LRP6: variants seen among roughly 807,000 people sequenced by gnomAD.
LRP6 encodes LDL receptor related protein 6, also known as low-density lipoprotein receptor-related protein 6.
Under a neutral mutation model 184.1 loss-of-function variants are expected in LRP6, and 43 were observed. The ratio of observed to expected loss-of-function variants is 0.23; its 90% CI spans 0.18 to 0.30. The LOEUF (loss-of-function observed/expected upper bound fraction) is 0.30. LRP6 is among the 10% of genes least tolerant of loss of function. LRP6 has a pLI of 1.00. For synonymous variants in LRP6, 719 were observed against 684.9 expected (o/e 1.05, Z -0.78); for missense variants, 1,571 against 2,005.3 (o/e 0.78, Z 4.14).
At chr12:12,151,682 T>C (rs1309153263) in intron 12 of LRP6, among the ~76,000 whole-genome samples, 6 of 152,040 alleles carry the variant, frequency 3.9e-5, no homozygotes, top group Non-Finnish European at 8.8e-5. Context: ...AATGTAAATT[T>C]TTAATGTTTT....
rs1352038622 is a variant in LRP6 at position 12,147,464 on chromosome 12, C to T, written c.3299G>A (p.Gly1100Asp). ...GTEREVLFFS[G>D]LSKPIALALD... ...GGCTAAAGCAATTGGTTTACTTAAGCCACTGAAAAAGAGGACCTCCCGTTC... is the reference window on the plus strand; with the variant it reads ...GGCTAAAGCAATTGGTTTACTTAAGTCACTGAAAAAGAGGACCTCCCGTTC... The change falls in exon 15 of 23, where the codon GGC becomes GAC. Residue 1100 changes from glycine (G) to aspartate (D), a missense_variant. This residue lies in a region of LRP6 where 763 missense variants were observed against 859.5 expected (regional missense o/e 0.89). Coordinates refer to ENST00000261349, the MANE Select transcript of LRP6 (RefSeq NM_002336.3). 6.2e-7 allele frequency: 1 copy of T among 1,614,106 alleles called. No homozygotes were observed.
At chr12:12,164,666 T>G in intron 8 of LRP6, 104 bp from the exon 9 acceptor site, 1 of 1,064,958 alleles carries the variant, frequency 9.4e-7, no homozygotes, top group Admixed American at 2.1e-5. Flanking sequence ...CAAATGCCTA[T>G]GATTATGTCT....
intron 2 of LRP6, among the ~76,000 whole-genome samples, chr12:12,218,757 T>C (rs1864412830): frequency 6.6e-6 from 1 of 151,718 alleles, no homozygotes; most frequent in Admixed American, 6.6e-5. Flanking sequence ...TCAGCCCAGG[T>C]GTTTGAGGCT....
Position 12,233,293 on chromosome 12 carries a change from C to T in LRP6, c.449+10969G>A, listed in dbSNP as rs147136944. Reference sequence around the variant, plus strand: ...CCATCCTGGCTAATGCGCTGAAACCCCGCCTCTACTAAAAATACAAAAAAA... The same window carrying T: ...CCATCCTGGCTAATGCGCTGAAACCTCGCCTCTACTAAAAATACAAAAAAA... On this transcript the variant is annotated intron_variant, in intron 2 of 22. Coordinates refer to ENST00000261349, the MANE Select transcript of LRP6 (RefSeq NM_002336.3). 2.8e-3 allele frequency among the ~76,000 whole-genome samples: 432 copies of T among 152,134 alleles called. 2 individuals carry two copies. Among genetic ancestry groups the T allele is most frequent in the African/African-American group, 0.01 (417 of 41,480 alleles).
intron 12 of LRP6, among the ~76,000 whole-genome samples, chr12:12,156,466 G>C (rs34828734): frequency 6.6e-6 from 1 of 152,064 alleles, no homozygotes; most frequent in Non-Finnish European, 1.5e-5. Context: ...TGAAATGTGG[G>C]GTATAGGTCA....
At chr12:12,209,245 A>C (rs1409882607) in intron 2 of LRP6, among the ~76,000 whole-genome samples, 1 of 152,214 alleles carries the variant, frequency 6.6e-6, no homozygotes, top group African/African-American at 2.4e-5. Context: ...TCCTAACTGT[A>C]ACTAATCTAA....
intron 2 of LRP6, among the ~76,000 whole-genome samples, chr12:12,235,422 A>C (rs77588531): frequency 0.041 from 6,290 of 152,274 alleles, 179 homozygotes; most frequent in Middle Eastern, 0.16. Flanking sequence ...GAGAGGTACT[A>C]AACTAAATAC....
At chr12:12,259,134 C>T (rs78648987) in intron 1 of LRP6, among the ~76,000 whole-genome samples, 6,240 of 151,980 alleles carry the variant, frequency 0.041, 177 homozygotes, top group Middle Eastern at 0.16. Context: ...TGATAGTGGG[C>T]GCCTACTAAT....
chr12:12,243,752 C>T (rs1306642353), intron 2 of LRP6, among the ~76,000 whole-genome samples: 2 of 151,540 alleles, frequency 1.3e-5, no homozygotes, highest in African/African-American at 4.8e-5. Flanking sequence ...TCTGTCTCTA[C>T]AAAAAAAAAT....
At chr12:12,164,145 ACT>A in intron 9 of LRP6, 126 bp downstream of exon 9, 2 of 824,576 alleles carry the variant, frequency 2.4e-6, no homozygotes, top group Non-Finnish European at 1.9e-6. Context: ...AAAAAAAAAA[ACT>A]TGAGGGTTTT....
chr12:12,256,139 T>C (rs1019207067), intron 1 of LRP6, among the ~76,000 whole-genome samples: 1 of 152,208 alleles, frequency 6.6e-6, no homozygotes, highest in Non-Finnish European at 1.5e-5. Context: ...CCTCTTCTAT[T>C]TTCTTACTCT....
chr12:12,186,507 C>T (rs549992826), intron 4 of LRP6, among the ~76,000 whole-genome samples: 1 of 150,612 alleles, frequency 6.6e-6, no homozygotes, highest in East Asian at 2.0e-4. Flanking sequence ...GCCTCCCAAG[C>T]GGCTGGGACT....
At chr12:12,154,488 TC>T (rs1950124920) in intron 12 of LRP6, among the ~76,000 whole-genome samples, 1 of 152,240 alleles carries the variant, frequency 6.6e-6, no homozygotes, top group South Asian at 2.1e-4. Flanking sequence ...TGCTATGTTT[TC>T]CAACGGCTGA....
At chr12:12,129,104 T>C (rs1949712686) in intron 19 of LRP6, among the ~76,000 whole-genome samples, 5 of 152,226 alleles carry the variant, frequency 3.3e-5, no homozygotes, top group African/African-American at 1.2e-4. Flanking sequence ...TGGGTAAATA[T>C]TTAAGTGTTG....
At chr12:12,198,041 C>T (rs75270184) in intron 3 of LRP6, among the ~76,000 whole-genome samples, 2,637 of 152,276 alleles carry the variant, frequency 0.017, 86 homozygotes, top group African/African-American at 0.059. Context: ...GCCTTAGCCC[C>T]CTGAGTAGCT....
intron 15 of LRP6, 120 bp from the exon 16 acceptor site, chr12:12,138,654 C>A (rs1949882148): frequency 7.8e-7 from 1 of 1,289,018 alleles, no homozygotes; most frequent in Non-Finnish European, 1.1e-6. Context: ...AAAACAAGAT[C>A]TCTACCACAA....
At chr12:12,171,202 T>C (rs1258018765) in intron 7 of LRP6, among the ~76,000 whole-genome samples, 1 of 152,168 alleles carries the variant, frequency 6.6e-6, no homozygotes, top group Non-Finnish European at 1.5e-5. Context: ...ATAATGATGA[T>C]GATAACTGCT....
intron 11 of LRP6, among the ~76,000 whole-genome samples, chr12:12,159,498 G>T: frequency 6.6e-6 from 1 of 152,074 alleles, no homozygotes; most frequent in Non-Finnish European, 1.5e-5. Flanking sequence ...GGAAAAGATG[G>T]AAATATATAT....
chr12:12,264,100 C>T (rs1396856886), intron 1 of LRP6, among the ~76,000 whole-genome samples: 2 of 151,736 alleles, frequency 1.3e-5, no homozygotes, highest in African/African-American at 4.8e-5. Flanking sequence ...GTGATTACAC[C>T]ACTGCACCCC....
Sources: gnomAD v4.1 joint callset for allele counts (sites outside exome capture counted in the v4.1 genomes callset) on GRCh38, gnomAD v4.1.1 for gene constraint, gnomAD v4.1.1 regional missense constraint, MANE v1.5 for transcripts, NCBI Gene and HGNC (gene_info 2026-07-23, HGNC 2026-07-21) for gene names.